TNS1: variants seen among roughly 807,000 people sequenced by gnomAD.
TNS1 encodes tensin-1.
Under a neutral mutation model 168.6 loss-of-function variants are expected in TNS1, and 62 were observed. The ratio of observed to expected loss-of-function variants is 0.37; its 90% CI spans 0.30 to 0.45. The LOEUF is 0.45. Ranked by LOEUF, TNS1 falls within the 20% of genes least tolerant of loss-of-function variation. The pLI is 1.00. For missense variants in TNS1, 2,240 were observed against 2,339.4 expected (o/e 0.96, Z 0.88); for synonymous variants, 934 against 933.2 (o/e 1.00, Z -0.02).
chr2:217,943,146 T>C (rs1956999733), intron 3 of TNS1, among the ~76,000 whole-genome samples: 1 of 151,990 alleles, frequency 6.6e-6, no homozygotes, highest in Non-Finnish European at 1.5e-5. Context: ...GGATTAGCCA[T>C]TTCTGCCCAG....
intron 12 of TNS1, chr2:217,890,708 G>A: frequency 1.8e-6 from 1 of 548,234 alleles, no homozygotes; most frequent in Non-Finnish European, 3.3e-6. Flanking sequence ...GCTTCCCCAT[G>A]AAGGTTGCAC....
At chr2:217,952,866 C>G (rs1234844078) in intron 3 of TNS1, among the ~76,000 whole-genome samples, 1 of 152,206 alleles carries the variant, frequency 6.6e-6, no homozygotes, top group South Asian at 2.1e-4. Flanking sequence ...CCAATCAAGG[C>G]TCACAAAATG....
In TNS1 at chr2:217,836,207, T is replaced by C; in HGVS notation, c.3012A>G (p.Val1004=). Reference sequence around the variant, plus strand: ...CTGCAGGCTGCTTCTCCCGAGCCTGTACCCCTGGGAGGAAAGCAGGGTGTA... The same window carrying C: ...CTGCAGGCTGCTTCTCCCGAGCCTGCACCCCTGGGAGGAAAGCAGGGTGTA... ...EGLVAHRVAG[V]QAREKQPAEP... The change falls in exon 20 of 33, where the codon GTA becomes GTG. Residue 1004 remains valine, a synonymous_variant. Coordinates refer to ENST00000682258, the MANE Select transcript of TNS1 (RefSeq NM_001387777.1). The C allele has an allele frequency of 1.2e-6, 2 of 1,608,818 alleles. No individual in the cohort carries two copies. Among genetic ancestry groups the C allele is most frequent in the Non-Finnish European group, 1.7e-6 (2 of 1,176,786 alleles).
upstream of TNS1, among the ~76,000 whole-genome samples, chr2:218,007,289 C>T (rs941909002): frequency 3.9e-5 from 6 of 152,176 alleles, no homozygotes; most frequent in African/African-American, 1.4e-4. Context: ...TAACTAGGCA[C>T]TTGGCTTGCT....
intron 11 of TNS1, among the ~76,000 whole-genome samples, chr2:217,892,424 C>T (rs1335386440): frequency 6.6e-6 from 1 of 152,146 alleles, no homozygotes; most frequent in African/African-American, 2.4e-5. Flanking sequence ...GAGTGAATAA[C>T]AAAACGAATG....
In TNS1 at chr2:217,945,688, G is replaced by A. The variant is rs140750475; in HGVS notation, c.187-25452C>T. 1.2e-3 allele frequency among the ~76,000 whole-genome samples: 186 copies of A among 152,254 alleles called. 1 individual carries two copies. The highest frequency in any genetic ancestry group is 4.3e-3 in the African/African-American group (177 of 41,546). The stretch of plus-strand genomic sequence containing the variant: ...ATGGTGAAAGCAGATGGACTATGGG[G>A]ACACTTGGCCTAGTCCTCCCTAGCC... On this transcript the variant is annotated intron_variant, in intron 3 of 32. Coordinates refer to ENST00000682258, the MANE Select transcript of TNS1 (RefSeq NM_001387777.1).
chr2:217,827,515 A>G (rs1232185530), intron 22 of TNS1, among the ~76,000 whole-genome samples: 1 of 151,810 alleles, frequency 6.6e-6, no homozygotes, highest in East Asian at 1.9e-4. Context: ...TCCCCGCTCC[A>G]CTCCCCAGGC....
intron 6 of TNS1, among the ~76,000 whole-genome samples, chr2:217,905,634 G>C (rs2125785015): frequency 6.6e-6 from 1 of 152,330 alleles, no homozygotes; most frequent in Non-Finnish European, 1.5e-5. Context: ...GGAGGGGCCA[G>C]CACAGGGAGT....
chr2:217,961,099 T>C (rs1020305256), intron 3 of TNS1, among the ~76,000 whole-genome samples: 3 of 151,882 alleles, frequency 2.0e-5, no homozygotes, highest in Non-Finnish European at 4.4e-5. Context: ...ACATACTCCC[T>C]CTCCTCCCAT....
chr2:217,813,884 T>C lies in TNS1; in HGVS notation c.4730-68A>G. ...CGGTGGCGCTAGTTTTACTTAAGTCTCATTGAGCCTACCGACCTTCGTTCT... is the reference window on the plus strand; with the variant it reads ...CGGTGGCGCTAGTTTTACTTAAGTCCCATTGAGCCTACCGACCTTCGTTCT... On this transcript the variant is annotated intron_variant, in intron 25 of 32. Transcript: ENST00000682258. The surrounding 1 kb of genome is among the most constrained non-coding windows in gnomAD (Gnocchi z 4.0). 4 of 1,480,946 alleles carry C rather than the reference T, an allele frequency of 2.7e-6. No homozygotes were observed. The highest frequency in any genetic ancestry group is 3.6e-6 in the Non-Finnish European group (4 of 1,115,156). The allele number at this position is 1,480,946 out of a possible 1,614,324, so 91.7% of individuals were successfully genotyped here. A position where few individuals can be genotyped will look rare whatever the true frequency, so the allele number is the denominator to read the frequency against.
Position 217,800,341 on chromosome 2 carries a change from C to T in TNS1, c.*4118G>A, listed in dbSNP as rs1937290848. ...GACAGAGGTGCCAAGAGGGACAGAT[C>T]TGCCCGAGGCCCCCACCCTGCCCCT... is the stretch of plus-strand genomic sequence containing the variant. On this transcript the variant is annotated 3_prime_UTR_variant, in exon 33 of 33. Coordinates refer to ENST00000682258, the MANE Select transcript of TNS1 (RefSeq NM_001387777.1). The T allele has an allele frequency of 6.6e-6, 1 of 152,276 alleles. No homozygotes were observed. The highest frequency in any genetic ancestry group is 2.4e-5 in the African/African-American group (1 of 41,444). The allele number at this position is 152,276 out of a possible 1,614,324, so 9.4% of individuals were successfully genotyped here. A position where few individuals can be genotyped will look rare whatever the true frequency, so the allele number is the denominator to read the frequency against.
intron 3 of TNS1, among the ~76,000 whole-genome samples, chr2:217,971,363 A>G (rs1007212760): frequency 6.6e-6 from 1 of 152,236 alleles, no homozygotes; most frequent in African/African-American, 2.4e-5. Context: ...TTCACTCAGC[A>G]TGACGTTTTA....
chr2:217,843,834 C>A (rs542458388), intron 19 of TNS1, among the ~76,000 whole-genome samples: 7 of 152,212 alleles, frequency 4.6e-5, no homozygotes, highest in Non-Finnish European at 1.0e-4. Context: ...TCTCTCCAAG[C>A]CCTCTGACAT....
At chr2:217,953,557 G>A (rs1486405552) in intron 3 of TNS1, among the ~76,000 whole-genome samples, 2 of 152,194 alleles carry the variant, frequency 1.3e-5, no homozygotes, top group East Asian at 3.9e-4. Flanking sequence ...TCTGGCCAGC[G>A]TTCAGGCCAA....
At chr2:217,997,786 G>A (rs1015932943) in intron 1 of TNS1, among the ~76,000 whole-genome samples, 4 of 152,212 alleles carry the variant, frequency 2.6e-5, no homozygotes, top group Admixed American at 2.0e-4. Context: ...GGGGCCTGGC[G>A]CATGGTGAGC....
chr2:217,948,849 C>T lies in TNS1; in HGVS notation c.187-28613G>A, dbSNP rs982068107. Among the ~76,000 whole-genome samples the T allele has an allele frequency of 2.0e-5, 3 of 152,220 alleles. No homozygotes were observed. Among genetic ancestry groups the T allele is most frequent in the East Asian group, 1.9e-4 (1 of 5,194 alleles). ...TGCATTTGCATCCTCTCTCAAAGTG[C>T]AGAAATGTGCACAGCGCCAGGCCCT... On this transcript the variant is annotated intron_variant, in intron 3 of 32. Transcript: ENST00000682258. The surrounding 1 kb of genome is among the most constrained non-coding windows in gnomAD (Gnocchi z 4.1).
chr2:217,976,835 A>T (rs1957909044), intron 3 of TNS1, among the ~76,000 whole-genome samples: 1 of 152,184 alleles, frequency 6.6e-6, no homozygotes, highest in Admixed American at 6.5e-5. Flanking sequence ...CTGTCAAGAG[A>T]TGGAAAGCAA....
At chr2:218,000,808 G>C (rs1958548965) in intron 1 of TNS1, among the ~76,000 whole-genome samples, 1 of 152,184 alleles carries the variant, frequency 6.6e-6, no homozygotes, top group African/African-American at 2.4e-5. Flanking sequence ...TGGGGACTAG[G>C]AGAGGAGAGG....
At chr2:217,979,699 A>T (rs112873680) in intron 2 of TNS1, among the ~76,000 whole-genome samples, 1,799 of 151,880 alleles carry the variant, frequency 0.012, 35 homozygotes, top group African/African-American at 0.04. Flanking sequence ...TGCAGATCTC[A>T]TGGGTGGGCG....
Sources: allele counts gnomAD v4.1 joint callset (sites outside exome capture counted in the v4.1 genomes callset), GRCh38; gene constraint gnomAD v4.1.1; non-coding constraint Gnocchi (gnomAD v3.1); transcripts MANE v1.5; gene names NCBI Gene and HGNC (gene_info 2026-07-23, HGNC 2026-07-21).